Variants in LYPD6 observed in about 807,000 individuals in gnomAD.
LYPD6 encodes LY6/PLAUR domain containing 6.
A neutral mutation model predicts 22.7 loss-of-function variants in LYPD6; 15 were observed. That is an observed-to-expected ratio of 0.66 (90% CI 0.44 to 1.02). The LOEUF (loss-of-function observed/expected upper bound fraction) is 1.02. Ranked by LOEUF, LYPD6 falls within the 50% of genes least tolerant of loss-of-function variation. The probability of loss-of-function intolerance (pLI) is 0.00; values close to 1 mark genes in which losing one functional copy is unlikely to be tolerated. For missense variants in LYPD6, 189 were observed against 208.4 expected (o/e 0.91, Z 0.57); for synonymous variants, 72 against 77.5 (o/e 0.93, Z 0.37).
intron 1 of LYPD6, among the ~76,000 whole-genome samples, chr2:149,429,535 A>G (rs1344441069): frequency 5.9e-5 from 9 of 152,254 alleles, no homozygotes; most frequent in Non-Finnish European, 8.8e-5. Flanking sequence ...AAATGCTACT[A>G]TCTTCATGAG....
chr2:149,406,779 T>C (rs1399563740), intron 1 of LYPD6, among the ~76,000 whole-genome samples: 2 of 152,138 alleles, frequency 1.3e-5, no homozygotes, highest in African/African-American at 4.8e-5. Context: ...GTCATTATGA[T>C]GTTAGCTGGT....
intron 1 of LYPD6, among the ~76,000 whole-genome samples, chr2:149,395,235 T>C (rs1014502726): frequency 5.3e-5 from 8 of 152,196 alleles, no homozygotes; most frequent in Non-Finnish European, 1.0e-4. Context: ...ATTTCTGAGT[T>C]CATCAGTCAG....
chr2:149,416,410 A>C (rs1682963162), intron 1 of LYPD6, among the ~76,000 whole-genome samples: 1 of 152,106 alleles, frequency 6.6e-6, no homozygotes, highest in Admixed American at 6.5e-5. Flanking sequence ...AGGCACCCAC[A>C]TGGGTTGCCT....
the LYPD6 span, among the ~76,000 whole-genome samples, chr2:149,479,713 T>C: frequency 2.6e-5 from 4 of 152,272 alleles, no homozygotes; most frequent in East Asian, 7.7e-4. Context: ...ATTCCACCCC[T>C]CTGGTCCCAG....
chr2:149,423,893 T>C (rs987921000), intron 1 of LYPD6, among the ~76,000 whole-genome samples: 1 of 152,172 alleles, frequency 6.6e-6, no homozygotes, highest in Admixed American at 6.5e-5. Flanking sequence ...GTATTCTGAC[T>C]CTTAATGCAC....
intron 3 of LYPD6, among the ~76,000 whole-genome samples, chr2:149,463,710 T>C (rs1458921946): frequency 6.6e-6 from 1 of 152,172 alleles, no homozygotes; most frequent in Non-Finnish European, 1.5e-5. Context: ...CAATAAAAGT[T>C]AACAAACTCT....
intron 1 of LYPD6, among the ~76,000 whole-genome samples, chr2:149,383,651 A>G (rs1432832883): frequency 1.3e-5 from 2 of 152,216 alleles, no homozygotes; most frequent in Non-Finnish European, 2.9e-5. Flanking sequence ...TGTAAAAACC[A>G]TAGAAAGAAC....
chr2:149,474,507 C>T (rs1271797973), downstream of LYPD6, among the ~76,000 whole-genome samples: 1 of 152,072 alleles, frequency 6.6e-6, no homozygotes. Context: ...TGCACCCAAT[C>T]TCTGGTTATT....
intron 1 of LYPD6, among the ~76,000 whole-genome samples, chr2:149,346,537 C>T (rs2105054254): frequency 6.6e-6 from 1 of 152,306 alleles, no homozygotes; most frequent in East Asian, 1.9e-4. Flanking sequence ...AAGTCTTCTA[C>T]ATAACCTTCA....
intron 1 of LYPD6, among the ~76,000 whole-genome samples, chr2:149,428,932 T>C (rs886153631): frequency 6.6e-6 from 1 of 152,152 alleles, no homozygotes; most frequent in Non-Finnish European, 1.5e-5. Flanking sequence ...GCAGAAATAT[T>C]CACCAGAGCA....
At chr2:149,397,365 C>A (rs974510215) in intron 1 of LYPD6, among the ~76,000 whole-genome samples, 4 of 152,174 alleles carry the variant, frequency 2.6e-5, no homozygotes, top group African/African-American at 2.4e-5. Context: ...CTGTCTCCAT[C>A]AGAGTAGCCT....
intron 1 of LYPD6, among the ~76,000 whole-genome samples, chr2:149,339,071 T>C (rs887227466): frequency 6.6e-6 from 1 of 152,116 alleles, no homozygotes; most frequent in Non-Finnish European, 1.5e-5. Flanking sequence ...AGAATGTAAA[T>C]AGAACTCTGG....
intron 1 of LYPD6, among the ~76,000 whole-genome samples, chr2:149,347,719 A>G (rs1214667767): frequency 6.6e-6 from 1 of 152,176 alleles, no homozygotes; most frequent in Non-Finnish European, 1.5e-5. Context: ...AGAATTGTTC[A>G]TACTTGAACA....
chr2:149,438,583 A>C (rs1473225445), intron 2 of LYPD6, among the ~76,000 whole-genome samples: 4 of 152,188 alleles, frequency 2.6e-5, no homozygotes, highest in African/African-American at 7.2e-5. Flanking sequence ...CCCAAGGTGC[A>C]TTACTCTTTT....
intron 1 of LYPD6, among the ~76,000 whole-genome samples, chr2:149,390,088 T>G (rs2105097034): frequency 6.6e-6 from 1 of 152,360 alleles, no homozygotes; most frequent in Admixed American, 6.5e-5. Context: ...TGCATTCAGT[T>G]CCTTGTTGGT....
At chr2:149,443,259 G>A (rs1275783165) in intron 2 of LYPD6, among the ~76,000 whole-genome samples, 3 of 152,154 alleles carry the variant, frequency 2.0e-5, no homozygotes, top group East Asian at 3.8e-4. Flanking sequence ...TAGCTGGATC[G>A]TCAATCTTCA....
At chr2:149,474,316 A>G (rs1159407410), downstream of LYPD6, among the ~76,000 whole-genome samples, 1 of 152,016 alleles carries the variant, frequency 6.6e-6, no homozygotes, top group Non-Finnish European at 1.5e-5. Context: ...CTCCTGCCTC[A>G]GCCTCCCGAG....
At chr2:149,359,207 T>C (rs1681523491) in intron 1 of LYPD6, among the ~76,000 whole-genome samples, 2 of 152,196 alleles carry the variant, frequency 1.3e-5, no homozygotes, top group South Asian at 4.1e-4. Flanking sequence ...TGCACATCTT[T>C]GATTTCCATG....
chr2:149,467,691 G>A (rs1298980572), intron 3 of LYPD6, among the ~76,000 whole-genome samples: 5 of 152,164 alleles, frequency 3.3e-5, no homozygotes, highest in African/African-American at 1.2e-4. Flanking sequence ...GATCCAAGAT[G>A]TGGATGAAAA....
Sources: allele counts gnomAD v4.1 joint callset (sites outside exome capture counted in the v4.1 genomes callset), GRCh38; gene constraint gnomAD v4.1.1; transcripts MANE v1.5; gene names NCBI Gene and HGNC (gene_info 2026-07-23, HGNC 2026-07-21).